Variants in LRRC37A3 observed in about 807,000 individuals in gnomAD.
LRRC37A3 encodes leucine rich repeat containing 37 member A3.
In LRRC37A3, 25 loss-of-function variants were observed where a neutral mutation model predicts 106.2. The observed-to-expected ratio is 0.24, with a 90% CI of 0.17 to 0.33. The LOEUF (loss-of-function observed/expected upper bound fraction) is 0.33. LRRC37A3 is among the 10% of genes least tolerant of loss of function. The pLI, the probability that LRRC37A3 is intolerant of heterozygous loss-of-function variation, is 1.00. For synonymous variants in LRRC37A3, 305 were observed against 635.8 expected (o/e 0.48, Z 7.83); for missense variants, 712 against 1,644.9 (o/e 0.43, Z 9.81).
At chr17:64,875,110 A>C (rs1243209235) in intron 8 of LRRC37A3, among the ~76,000 whole-genome samples, 1 of 152,150 alleles carries the variant, frequency 6.6e-6, no homozygotes, top group Admixed American at 6.6e-5. Flanking sequence ...ATTAAAAAAA[A>C]CAAAAACAAC....
chr17:64,869,697 C>T (rs57354566), intron 8 of LRRC37A3, among the ~76,000 whole-genome samples: 7 of 151,432 alleles, frequency 4.6e-5, no homozygotes, highest in South Asian at 2.1e-4. Context: ...CCCACCACCA[C>T]GCCCAGCTAA....
intron 2 of LRRC37A3, among the ~76,000 whole-genome samples, chr17:64,909,225 C>T (rs1396233000): frequency 7.2e-5 from 11 of 151,972 alleles, no homozygotes; most frequent in Non-Finnish European, 1.6e-4. Context: ...AAGTTATCTT[C>T]GAACTTTGCT....
intron 8 of LRRC37A3, among the ~76,000 whole-genome samples, chr17:64,883,115 C>T (rs1973758832): frequency 6.6e-6 from 1 of 152,200 alleles, no homozygotes; most frequent in African/African-American, 2.4e-5. Context: ...TTATTGCCCC[C>T]ATTCAGTGAG....
At chr17:64,918,023 G>T in intron 2 of LRRC37A3, among the ~76,000 whole-genome samples, 1 of 146,454 alleles carries the variant, frequency 6.8e-6, no homozygotes, top group Non-Finnish European at 1.5e-5. Flanking sequence ...GATCAAGAGA[G>T]GTTCACTGCA....
Position 64,894,909 on chromosome 17 carries a change from CAG to C in LRRC37A3, c.2347_2348del (p.Leu783AlafsTer6), listed in dbSNP as rs1974068912. On this transcript the variant is annotated frameshift_variant, in exon 4 of 15. Coordinates refer to ENST00000584306, the MANE Select transcript of LRRC37A3 (RefSeq NM_199340.5). LOFTEE classifies it high-confidence loss of function. ...TAPRPDRVQT[L>X]HRSLTEVTGP... Reference sequence around the variant, plus strand: ...CTGTGACTTCAGTCAGGCTTCGATGCAGAGTCTGAACCCGGTCTGGACGAGGA... The same window carrying C: ...CTGTGACTTCAGTCAGGCTTCGATGCAGTCTGAACCCGGTCTGGACGAGGA... 9.6e-6 allele frequency: 15 copies of C among 1,557,036 alleles called. No individual in the cohort carries two copies. In the Middle Eastern group the frequency reaches 6.9e-4, roughly 71 times the overall value.
At chr17:64,908,708 C>T (rs1431832463) in intron 2 of LRRC37A3, among the ~76,000 whole-genome samples, 10 of 115,914 alleles carry the variant, frequency 8.6e-5, no homozygotes, top group Non-Finnish European at 1.5e-4. Flanking sequence ...ACCCGGGAGG[C>T]GGAGGTTGCA....
intron 2 of LRRC37A3, among the ~76,000 whole-genome samples, chr17:64,914,356 C>T (rs369122458): frequency 3.3e-5 from 5 of 152,040 alleles, no homozygotes; most frequent in Non-Finnish European, 5.9e-5. Flanking sequence ...GTCAGGAGTT[C>T]GAGACCAGCC....
chr17:64,916,912 A>C (rs1282100788), intron 2 of LRRC37A3, among the ~76,000 whole-genome samples: 10 of 151,056 alleles, frequency 6.6e-5, no homozygotes, highest in Admixed American at 1.3e-4. Flanking sequence ...AAACCAGAAG[A>C]AGCTACCACC....
At chr17:64,890,613 C>T (rs1398975604) in intron 5 of LRRC37A3, among the ~76,000 whole-genome samples, 1 of 119,042 alleles carries the variant, frequency 8.4e-6, no homozygotes, top group Admixed American at 8.1e-5. Flanking sequence ...GGGTGAATCA[C>T]CCACGGTCAT....
At position 64,897,603 on chromosome 17, in the gene LRRC37A3, T is replaced by A. The variant is rs1974172887; in HGVS notation, c.-346A>T. 8.5e-7 allele frequency: 1 copy of A among 1,171,160 alleles called. No individual in the cohort carries two copies. Among genetic ancestry groups the A allele is most frequent in the African/African-American group, 2.1e-5 (1 of 48,314 alleles). The allele number at this position is 1,171,160 out of a possible 1,614,324, so 72.5% of individuals were successfully genotyped here. The stretch of plus-strand genomic sequence containing the variant: ...GCTAGTTCAGTTCTGGCAGCCTTCC[T>A]CCTTTAAGGTGAAATCCGAGAACAC... On this transcript the variant is annotated 5_prime_UTR_variant, in exon 4 of 15. Coordinates refer to ENST00000584306, the MANE Select transcript of LRRC37A3 (RefSeq NM_199340.5).
At chr17:64,862,391 G>A (rs886591004) in intron 11 of LRRC37A3, among the ~76,000 whole-genome samples, 21 of 151,994 alleles carry the variant, frequency 1.4e-4, no homozygotes, top group African/African-American at 5.1e-4. Flanking sequence ...AGAAGAGCCA[G>A]GTAGCAATTT....
intron 2 of LRRC37A3, chr17:64,899,736 GGCCTGTGTTCGAGCA>G (rs1974252882): frequency 6.7e-6 from 1 of 148,232 alleles, no homozygotes; most frequent in Non-Finnish European, 1.5e-5. Flanking sequence ...GTTCTAACAA[GGCCTGTGTTCGAGCA>G]GCCCAGCATC....
chr17:64,863,220 A>G (rs1332018532), intron 10 of LRRC37A3: 13 of 613,072 alleles, frequency 2.1e-5, no homozygotes, highest in Non-Finnish European at 3.5e-5. Context: ...TGAGTATGGT[A>G]TGCCTAGAAT....
chr17:64,909,577 A>G (rs1293522143), intron 2 of LRRC37A3: 1 of 152,152 alleles, frequency 6.6e-6, no homozygotes, highest in Non-Finnish European at 1.5e-5. Context: ...CTTCTCCCCA[A>G]ATAATTCTGA....
Position 64,858,821 on chromosome 17 carries a change from A to C in LRRC37A3, c.4767T>G (p.Thr1589=), listed in dbSNP as rs552045742. The C allele has an allele frequency of 3.1e-5, 50 of 1,613,750 alleles. 1 individual carries two copies. In the South Asian group the frequency reaches 5.5e-4, roughly 18 times the overall value. ...TKKLILALIV[T]GILTILIILL... is the part of the protein sequence containing the mutation. Reference sequence around the variant, plus strand: ...GTATAATCAAAATCGTTAGTATTCCAGTCACAATTAACGCCAAGATGAGTT... The same window carrying C: ...GTATAATCAAAATCGTTAGTATTCCCGTCACAATTAACGCCAAGATGAGTT... The change falls in exon 13 of 15, where the codon ACT becomes ACG. Residue 1589 remains threonine, a synonymous_variant. Transcript: ENST00000584306.
intron 8 of LRRC37A3, among the ~76,000 whole-genome samples, chr17:64,870,591 T>C: frequency 6.6e-6 from 1 of 152,088 alleles, no homozygotes; most frequent in Non-Finnish European, 1.5e-5. Flanking sequence ...ATGTGGTAGA[T>C]ATTATTATTG....
At position 64,854,620 on chromosome 17, in the gene LRRC37A3, C is replaced by T. The variant is rs371881905; in HGVS notation, c.4884G>A (p.Glu1628=). Residue 1628 remains glutamate, a synonymous_variant, in exon 15 of 15, where the codon GAG becomes GAA. Transcript: ENST00000584306. ...FSRDSEAPTE[E]ESEALP The stretch of plus-strand genomic sequence containing the variant: ...CCTCCTATGGCAGGGCTTCACTCTC[C>T]TCCTCCGTTGGGGCTTCGCTGTCCC... 8 of 1,613,732 alleles carry T rather than the reference C, an allele frequency of 5.0e-6. No individual in the cohort carries two copies. The African/African-American group carries it at 9.3e-5, about 19-fold the overall frequency.
chr17:64,904,297 C>G (rs1022829784), intron 2 of LRRC37A3, among the ~76,000 whole-genome samples: 2 of 152,278 alleles, frequency 1.3e-5, no homozygotes, highest in African/African-American at 4.8e-5. Context: ...CAGGACAACA[C>G]AGCAAGACCC....
intron 8 of LRRC37A3, among the ~76,000 whole-genome samples, chr17:64,884,347 G>GATTATTATT (rs199536526): frequency 6.6e-6 from 1 of 150,670 alleles, no homozygotes; most frequent in Non-Finnish European, 1.5e-5. Context: ...TGACGATGAT[G>GATTATTATT]ATTATTATTA....
Sources: allele counts gnomAD v4.1 joint callset (sites outside exome capture counted in the v4.1 genomes callset), GRCh38; gene constraint gnomAD v4.1.1; transcripts MANE v1.5; gene names NCBI Gene and HGNC (gene_info 2026-07-23, HGNC 2026-07-21).